The following PCNX4 variants were observed in gnomAD, a reference collection of about 807,000 sequenced individuals.
PCNX4 encodes pecanex-like protein 4.
PCNX4 carries 103 observed loss-of-function variants against 107.2 expected under a neutral mutation model. That is an observed-to-expected ratio of 0.96 (90% confidence interval 0.82 to 1.13). The LOEUF (loss-of-function observed/expected upper bound fraction) is 1.13, where lower values mean the gene tolerates loss of function less well. Ranked by LOEUF, PCNX4 falls within the 50% of genes most tolerant of loss-of-function variation. The pLI is 0.00. For synonymous variants in PCNX4, 541 were observed against 481.7 expected, an observed-to-expected ratio of 1.12 and a Z score of -1.61; for missense variants, 1,528 against 1,379.4, an observed-to-expected ratio of 1.11 and a Z score of -1.71.
chr14:60,123,931 T>C (rs181858372), intron 8 of PCNX4, among the ~76,000 whole-genome samples: 2 of 152,262 alleles, frequency 1.3e-5, no homozygotes, highest in Non-Finnish European at 2.9e-5. Context: ...TAACTATCAT[T>C]ATAGTCTTTT....
chr14:60,125,941 T>C (rs564119541), intron 10 of PCNX4, 118 bp downstream of exon 10: 3 of 686,872 alleles, frequency 4.4e-6, no homozygotes, highest in African/African-American at 1.9e-5. Flanking sequence ...ATATTAATTA[T>C]AGTTTTAAGG....
Position 60,115,333 on chromosome 14 carries a change from G to A in PCNX4, c.1229G>A (p.Ser410Asn). ...IILWILREIQ[S>N]VYIIGIFRNP... ...CTGTGGATACTTAGAGAAATTCAAA[G>A]CGTATATATCATTGGAATTTTCCGA... is the stretch of plus-strand genomic sequence containing the variant. The change falls in exon 4 of 11, where the codon AGC becomes AAC. Residue 410 changes from serine to asparagine, a missense_variant. Coordinates refer to ENST00000406854, the MANE Select transcript of PCNX4 (RefSeq NM_001330177.2). The A allele has an allele frequency of 6.2e-7, 1 of 1,608,048 alleles. No homozygotes were observed. The highest frequency in any genetic ancestry group is 8.5e-7 in the Non-Finnish European group (1 of 1,175,892).
In PCNX4 at chr14:60,134,206, C is replaced by T. The variant is rs937610074; in HGVS notation, c.3504C>T (p.His1168=). Residue 1168 remains histidine, a synonymous_variant, in exon 11 of 11, where the codon CAC becomes CAT. Transcript: ENST00000406854. ...CGATTTATTCTTCAAAACCTCTCCA[C>T]ATACATTTGTATTAGAGCTCATTTT... The part of the protein sequence containing the change: ...GYPIYSSKPL[H]IHLY 1.2e-6 allele frequency: 2 copies of T among 1,613,568 alleles called. No individual in the cohort carries two copies. Among genetic ancestry groups the T allele is most frequent in the Admixed American group, 1.7e-5 (1 of 60,028 alleles).
Position 60,137,259 on chromosome 14 carries a change from A to G in PCNX4, c.*3038A>G, listed in dbSNP as rs983918047. The G allele has an allele frequency of 6.6e-6, 1 of 152,262 alleles. No homozygotes were observed. Among genetic ancestry groups the G allele is most frequent in the African/African-American group, 2.4e-5 (1 of 41,462 alleles). The allele number at this position is 152,262 out of a possible 1,614,324, so 9.4% of individuals were successfully genotyped here. ...GAGTCTGAGACGCTAAGTAACACTTATAACAGCCTTGCTGCTGAGTTAGAG... is the reference window on the plus strand; with the variant it reads ...GAGTCTGAGACGCTAAGTAACACTTGTAACAGCCTTGCTGCTGAGTTAGAG... On this transcript the variant is annotated 3_prime_UTR_variant, in exon 11 of 11. Transcript: ENST00000406854.
In PCNX4 at chr14:60,121,183, TA is replaced by T; in HGVS notation, c.1943-11del. The T allele has an allele frequency of 6.8e-7, 1 of 1,470,334 alleles. No homozygotes were observed. The highest frequency in any genetic ancestry group is 1.3e-5 in the South Asian group (1 of 78,314). The allele number at this position is 1,470,334 out of a possible 1,614,324, so 91.1% of individuals were successfully genotyped here. A position where few individuals can be genotyped will look rare whatever the true frequency, so the allele number is the denominator to read the frequency against. On this transcript the variant is annotated splice_polypyrimidine_tract_variant and intron_variant, in intron 7 of 10. Coordinates refer to ENST00000406854, the MANE Select transcript of PCNX4 (RefSeq NM_001330177.2). ...TTTCTTTTTTTTTTTTTTTTTTTTCTAATTTGTTGTAGGTCTCCTCCTACCT... is the reference window on the plus strand; with the variant it reads ...TTTCTTTTTTTTTTTTTTTTTTTTCTATTTGTTGTAGGTCTCCTCCTACCT...
Position 60,114,802 on chromosome 14 carries a change from C to T in PCNX4, c.792C>T (p.Pro264=), listed in dbSNP as rs760943393. 5.6e-6 allele frequency: 9 copies of T among 1,613,694 alleles called. No individual in the cohort carries two copies. The highest frequency in any genetic ancestry group is 1.7e-5 in the Admixed American group (1 of 59,968). ...FLWALGTLPP[P]DALLLWAMEQ... ...GGGCACTTGGGACTCTGCCCCCACC[C>T]GATGCACTTCTCTTATGGGCAATGG... The change falls in exon 3 of 11, where the codon CCC becomes CCT. Residue 264 remains proline (P), a synonymous_variant. Transcript: ENST00000406854.
chr14:60,133,765 T>A (rs930166920), intron 10 of PCNX4: 4 of 663,506 alleles, frequency 6.0e-6, no homozygotes, highest in Non-Finnish European at 1.1e-5. Context: ...AACTTTTATT[T>A]AAAGAACCAA....
At chr14:60,103,811 A>G (rs17096947) in intron 1 of PCNX4, among the ~76,000 whole-genome samples, 2,266 of 152,298 alleles carry the variant, frequency 0.015, 36 homozygotes, top group Middle Eastern at 0.031. Context: ...CACAGGAGAA[A>G]CACAGCCATA....
intron 10 of PCNX4, among the ~76,000 whole-genome samples, chr14:60,129,468 C>G (rs1365414865): frequency 1.3e-5 from 2 of 151,436 alleles, no homozygotes; most frequent in Non-Finnish European, 2.9e-5. Flanking sequence ...GGTGGGAGGA[C>G]TACTTGAGCC....
intron 9 of PCNX4, 27 bp from the exon 10 acceptor site, chr14:60,125,610 A>G (rs1896039624): frequency 7.1e-7 from 1 of 1,404,100 alleles, no homozygotes; most frequent in East Asian, 2.6e-5. Context: ...AATATTCTAA[A>G]ATTCTTCGGT....
chr14:60,119,765 C>G (rs1278793327), intron 7 of PCNX4, among the ~76,000 whole-genome samples: 1 of 151,852 alleles, frequency 6.6e-6, no homozygotes, highest in African/African-American at 2.4e-5. Context: ...CCAAGAATTG[C>G]GTTATAAAGT....
Position 60,115,169 on chromosome 14 carries a change from A to G in PCNX4, c.1065A>G (p.Glu355=), listed in dbSNP as rs868009019. The part of the protein sequence containing the change: ...SGPEKHFSWK[E]CLFYIIILVL... ...CGGAAAAACATTTTTCATGGAAGGA[A>G]TGCCTTTTCTACATCATTATATTAG... The change falls in exon 4 of 11, where the codon GAA becomes GAG. Residue 355 remains glutamate (E), a synonymous_variant. Coordinates refer to ENST00000406854, the MANE Select transcript of PCNX4 (RefSeq NM_001330177.2). The G allele has an allele frequency of 4.3e-6, 7 of 1,613,444 alleles. No homozygotes were observed. The highest frequency in any genetic ancestry group is 5.9e-6 in the Non-Finnish European group (7 of 1,179,524).
intron 1 of PCNX4, among the ~76,000 whole-genome samples, chr14:60,105,885 A>G (rs1403380630): frequency 6.6e-6 from 1 of 152,210 alleles, no homozygotes; most frequent in Non-Finnish European, 1.5e-5. Context: ...AGGCACATCC[A>G]CATTCTTCAA....
rs138529579 is a variant in PCNX4, at chr14:60,112,921, C to T, written c.690-1779C>T. Among the ~76,000 whole-genome samples the T allele has an allele frequency of 3.3e-3, 506 of 152,322 alleles. 17 individuals carry two copies. In the East Asian group the frequency reaches 0.056, roughly 17 times the overall value. ...AATTTGGTCCAGGCGCGGTGGCTCA[C>T]GCCTGTAATCCCAGCACTTTGGGAG... On this transcript the variant is annotated intron_variant, in intron 2 of 10. Coordinates refer to ENST00000406854, the MANE Select transcript of PCNX4 (RefSeq NM_001330177.2).
chr14:60,140,221 A>T lies in PCNX4; in HGVS notation c.*6000A>T, dbSNP rs557879662. ...AGTCATCTGACAAAATATGTGCACA[A>T]CTTCATGCCAATTAGTTGGAAATTT... On this transcript the variant is annotated 3_prime_UTR_variant, in exon 11 of 11. Transcript: ENST00000406854. The surrounding 1 kb of genome is among the most constrained non-coding windows in gnomAD (Gnocchi z 4.2). The T allele has an allele frequency of 7.9e-5, 12 of 152,216 alleles. No homozygotes were observed. Among genetic ancestry groups the T allele is most frequent in the Admixed American group, 5.9e-4 (9 of 15,276 alleles). 9.4% of individuals were successfully genotyped at this position (152,216 alleles called of 1,614,324 possible).
Position 60,125,144 on chromosome 14 carries a change from T to C in PCNX4, c.2973T>C (p.Ser991=). Residue 991 remains serine (S), a synonymous_variant, in exon 9 of 11, where the codon AGT becomes AGC. Transcript: ENST00000406854. ...TTGGAATAGACAATATGGCTCCTAG[T>C]CCTGGTCATATATTGAGAGTTTACG... The part of the protein sequence containing the change: ...SLFGIDNMAP[S]PGHILRVYGG... 6.2e-7 allele frequency: 1 copy of C among 1,612,882 alleles called. No homozygotes were observed. Among genetic ancestry groups the C allele is most frequent in the South Asian group, 1.1e-5 (1 of 90,970 alleles).
chr14:60,114,832 G>C lies in PCNX4; in HGVS notation c.822G>C (p.Gln274His), dbSNP rs1895810902. 6.2e-7 allele frequency: 1 copy of C among 1,613,510 alleles called. No individual in the cohort carries two copies. Among genetic ancestry groups the C allele is most frequent in the Admixed American group, 1.7e-5 (1 of 59,972 alleles). Residue 274 changes from glutamine (Q) to histidine (H), a missense_variant, in exon 3 of 11, where the codon CAG becomes CAC. Coordinates refer to ENST00000406854, the MANE Select transcript of PCNX4 (RefSeq NM_001330177.2). ...PDALLLWAME[Q>H]VLEFGLGGSS... is the part of the protein sequence containing the mutation. ...CACTTCTCTTATGGGCAATGGAGCA[G>C]GTTTTAGAGTTCGGCCTTGGAGGCT... is the stretch of plus-strand genomic sequence containing the variant.
rs1896207374 is a variant in PCNX4 at position 60,134,210 on chromosome 14, C to T, written c.3508C>T (p.His1170Tyr). Residue 1170 changes from histidine (H) to tyrosine (Y), a missense_variant, in exon 11 of 11, where the codon CAT becomes TAT. Physicochemically the swap from His to Tyr is moderately conservative, Grantham distance 83 (BLOSUM62 2). Transcript: ENST00000406854. ...PIYSSKPLHI[H>Y]LY ...TTATTCTTCAAAACCTCTCCACATACATTTGTATTAGAGCTCATTTTGACT... is the reference window on the plus strand; with the variant it reads ...TTATTCTTCAAAACCTCTCCACATATATTTGTATTAGAGCTCATTTTGACT... 2 of 1,613,510 alleles carry T rather than the reference C, an allele frequency of 1.2e-6. No homozygotes were observed. The highest frequency in any genetic ancestry group is 1.7e-6 in the Non-Finnish European group (2 of 1,179,536).
In PCNX4 at chr14:60,124,789, A is replaced by G. The variant is rs756987064; in HGVS notation, c.2618A>G (p.Asn873Ser). Reference sequence around the variant, plus strand: ...CATTCTACAGGCACTGTTCCTGAAAACGATCTTTACAAAGCAGTTCTATTA... The same window carrying G: ...CATTCTACAGGCACTGTTCCTGAAAGCGATCTTTACAAAGCAGTTCTATTA... ...GDHSTGTVPE[N>S]DLYKAVLLGY... The change falls in exon 9 of 11, where the codon AAC (asparagine) becomes AGC (serine). Residue 873 changes from asparagine to serine, a missense_variant. By Grantham distance (46) the Asn-to-Ser change is conservative. Transcript: ENST00000406854. The G allele has an allele frequency of 1.2e-6, 2 of 1,613,504 alleles. No homozygotes were observed. The highest frequency in any genetic ancestry group is 4.5e-5 in the East Asian group (2 of 44,884).
Sources: gnomAD v4.1 joint callset for allele counts (sites outside exome capture counted in the v4.1 genomes callset) on GRCh38, gnomAD v4.1.1 for gene constraint, Gnocchi (gnomAD v3.1) non-coding constraint, MANE v1.5 for transcripts, NCBI Gene and HGNC (gene_info 2026-07-23, HGNC 2026-07-21) for gene names.